The following CPPED1 variants were observed in gnomAD, a reference collection of about 807,000 sequenced individuals.
CPPED1 encodes the protein calcineurin like phosphoesterase domain containing 1, also known as serine/threonine-protein phosphatase CPPED1.
Under a neutral mutation model 28.0 loss-of-function variants are expected in CPPED1, and 28 were observed. The observed-to-expected ratio is 1.00, with a 90% CI of 0.74 to 1.37. The LOEUF is 1.37. Ranked by LOEUF, CPPED1 falls within the 40% of genes most tolerant of loss-of-function variation. The pLI is 0.00. For missense variants in CPPED1, 504 were observed against 416.5 expected (o/e 1.21, Z -1.83); for synonymous variants, 198 against 180.2 (o/e 1.10, Z -0.79).
At chr16:12,779,140 A>G (rs79836247) in intron 2 of CPPED1, among the ~76,000 whole-genome samples, 2,734 of 152,334 alleles carry the variant, frequency 0.018, 90 homozygotes, top group African/African-American at 0.061. Flanking sequence ...AACATGTTAT[A>G]TAATTCCAGT....
At chr16:12,693,980 C>T (rs1362744408) in intron 3 of CPPED1, among the ~76,000 whole-genome samples, 4 of 152,040 alleles carry the variant, frequency 2.6e-5, no homozygotes, top group Admixed American at 6.6e-5. Flanking sequence ...CTGAGGTGGG[C>T]GGGTCACCTG....
chr16:12,735,777 G>C (rs1238945755), intron 2 of CPPED1, among the ~76,000 whole-genome samples: 1 of 152,248 alleles, frequency 6.6e-6, no homozygotes, highest in Non-Finnish European at 1.5e-5. Flanking sequence ...ATCAGGGGAA[G>C]AGAACATGAC....
rs2079850240 is a variant in CPPED1, at chr16:12,670,989, T to C, written c.716-5874A>G. On this transcript the variant is annotated intron_variant, in intron 3 of 3. Transcript: ENST00000381774. This position sits in a 1 kb window ranked among gnomAD's most constrained non-coding sequence, Gnocchi z 4.2. ...CCTCAGCCTCCTGAGTAGCTGGGAT[T>C]ACAGGTGCCTGCCACCATGCCCAGC... 1.3e-5 allele frequency among the ~76,000 whole-genome samples: 2 copies of C among 152,122 alleles called. No individual in the cohort carries two copies.
chr16:12,705,735 G>A (rs1416914404), intron 2 of CPPED1, among the ~76,000 whole-genome samples: 1 of 152,218 alleles, frequency 6.6e-6, no homozygotes, highest in Non-Finnish European at 1.5e-5. Flanking sequence ...TCCAGCCTGG[G>A]CAACAAGAGC....
intron 3 of CPPED1, among the ~76,000 whole-genome samples, chr16:12,699,187 A>G (rs544053778): frequency 3.3e-5 from 5 of 152,332 alleles, no homozygotes; most frequent in Admixed American, 6.5e-5. Flanking sequence ...ACCAATTTCT[A>G]CATCCCTTGG....
chr16:12,800,047 G>A (rs2080649923), intron 1 of CPPED1, among the ~76,000 whole-genome samples: 1 of 152,154 alleles, frequency 6.6e-6, no homozygotes, highest in East Asian at 1.9e-4. Flanking sequence ...CCTGGCAGCT[G>A]CAATGGCCTA....
At chr16:12,703,860 G>A (rs549871677) in intron 3 of CPPED1, among the ~76,000 whole-genome samples, 1 of 152,294 alleles carries the variant, frequency 6.6e-6, no homozygotes, top group Non-Finnish European at 1.5e-5. Context: ...AGATAAAGGA[G>A]GTGGGTGGGC....
intron 3 of CPPED1, among the ~76,000 whole-genome samples, chr16:12,686,201 T>C (rs1257002454): frequency 6.6e-6 from 1 of 151,926 alleles, no homozygotes; most frequent in African/African-American, 2.4e-5. Flanking sequence ...AATCCATTTG[T>C]TTTGAAGATT....
chr16:12,667,501 C>G (rs1272180082), intron 3 of CPPED1, among the ~76,000 whole-genome samples: 1 of 152,166 alleles, frequency 6.6e-6, no homozygotes, highest in East Asian at 1.9e-4. Flanking sequence ...TGCCTGTAAT[C>G]CCTGTACTTT....
At chr16:12,744,637 C>T (rs2080275658) in intron 2 of CPPED1, among the ~76,000 whole-genome samples, 1 of 152,074 alleles carries the variant, frequency 6.6e-6, no homozygotes, top group South Asian at 2.1e-4. Context: ...GACAGTCTCC[C>T]TGAGATGAGA....
At chr16:12,725,213 C>G (rs13332084) in intron 2 of CPPED1, among the ~76,000 whole-genome samples, 26,591 of 152,138 alleles carry the variant, frequency 0.17, 2,421 homozygotes, top group Middle Eastern at 0.22. Context: ...CGTGCCTCAG[C>G]CTCCCAAGTA....
chr16:12,693,048 T>C (rs924761263), intron 3 of CPPED1, among the ~76,000 whole-genome samples: 1 of 152,192 alleles, frequency 6.6e-6, no homozygotes, highest in African/African-American at 2.4e-5. Context: ...ACCGTGCCTA[T>C]GAAATTTAAA....
chr16:12,686,000 A>G (rs2079930869), intron 3 of CPPED1, among the ~76,000 whole-genome samples: 1 of 152,184 alleles, frequency 6.6e-6, no homozygotes, highest in African/African-American at 2.4e-5. Flanking sequence ...GTGTGCAGAG[A>G]GATCCTGCTC....
intron 2 of CPPED1, among the ~76,000 whole-genome samples, chr16:12,713,252 C>T (rs1047327352): frequency 1.3e-5 from 2 of 152,140 alleles, no homozygotes; most frequent in Non-Finnish European, 2.9e-5. Context: ...AACGTCAACA[C>T]CTAGTGAGTA....
intron 2 of CPPED1, among the ~76,000 whole-genome samples, chr16:12,706,318 G>C (rs993747068): frequency 2.0e-5 from 3 of 151,722 alleles, no homozygotes; most frequent in African/African-American, 7.3e-5. Flanking sequence ...CAGAGAGGGA[G>C]GGAGTCTTAC....
At chr16:12,799,679 A>ATT (rs1283660367) in intron 1 of CPPED1, among the ~76,000 whole-genome samples, 1 of 152,094 alleles carries the variant, frequency 6.6e-6, no homozygotes, top group Non-Finnish European at 1.5e-5. Flanking sequence ...TAGAGTCAGG[A>ATT]CCCCGGGGAA....
intron 2 of CPPED1, among the ~76,000 whole-genome samples, chr16:12,725,757 T>A (rs1443715960): frequency 6.6e-6 from 1 of 152,148 alleles, no homozygotes; most frequent in African/African-American, 2.4e-5. Context: ...TGAAAACACG[T>A]CTTAGATATC....
chr16:12,792,257 C>T (rs1418051038), intron 1 of CPPED1, among the ~76,000 whole-genome samples: 3 of 152,128 alleles, frequency 2.0e-5, no homozygotes, highest in Non-Finnish European at 2.9e-5. Context: ...CTGGCCTCTT[C>T]CAGCTGTATC....
At position 12,734,058 on chromosome 16, in the gene CPPED1, G is replaced by GTTTTTT. The variant is rs71142517; in HGVS notation, c.290-29015_290-29010dup. 2.8e-3 allele frequency among the ~76,000 whole-genome samples: 181 copies of GTTTTTT among 64,424 alleles called. 35 individuals carry two copies. The Middle Eastern group carries it at 0.032, about 11-fold the overall frequency. The allele number at this position is 64,424 out of a possible 152,430, so 42.3% of individuals were successfully genotyped here. On this transcript the variant is annotated intron_variant, in intron 2 of 3. Transcript: ENST00000381774. Reference sequence around the variant, plus strand: ...CTTTGTCTCTGTTTTCAAATTACACGTTTTTTTTTTTTTTTTTTTTTTTTT... The same window carrying GTTTTTT: ...CTTTGTCTCTGTTTTCAAATTACACGTTTTTTTTTTTTTTTTTTTTTTTTTTTTTTT...
Sources: allele counts gnomAD v4.1 joint callset (sites outside exome capture counted in the v4.1 genomes callset), GRCh38; gene constraint gnomAD v4.1.1; non-coding constraint Gnocchi (gnomAD v3.1); transcripts MANE v1.5; gene names NCBI Gene and HGNC (gene_info 2026-07-23, HGNC 2026-07-21).